Variants in SRD5A2 observed in about 807,000 individuals in gnomAD.
SRD5A2 encodes the protein 3-oxo-5-alpha-steroid 4-dehydrogenase 2.
SRD5A2 carries 30 observed loss-of-function variants against 27.4 expected under a neutral mutation model. The observed-to-expected ratio is 1.10, with a 90% CI of 0.82 to 1.49. SRD5A2 has a LOEUF of 1.49. SRD5A2 is among the 40% of genes most tolerant of loss of function. SRD5A2 has a pLI of 0.00. For synonymous variants in SRD5A2, 141 were observed against 133.6 expected, an observed-to-expected ratio of 1.06 and a Z score of -0.38; for missense variants, 348 against 323.4, an observed-to-expected ratio of 1.08 and a Z score of -0.58.
In SRD5A2 at chr2:31,526,039, C is replaced by A; in HGVS notation, c.*157G>T. 1 of 559,622 alleles carries A rather than the reference C, an allele frequency of 1.8e-6. No homozygotes were observed. The highest frequency in any genetic ancestry group is 2.9e-5 in the East Asian group (1 of 34,942). The allele number at this position is 559,622 out of a possible 1,614,324, so 34.7% of individuals were successfully genotyped here. A position where few individuals can be genotyped will look rare whatever the true frequency, so the allele number is the denominator to read the frequency against. On this transcript the variant is annotated 3_prime_UTR_variant, in exon 5 of 5. Coordinates refer to ENST00000622030, the MANE Select transcript of SRD5A2 (RefSeq NM_000348.4). Reference sequence around the variant, plus strand: ...TGGAAGGGTAGGAGTAAACTCTAAGCAGACACCACTCAGAATCCCCAGGCC... The same window carrying A: ...TGGAAGGGTAGGAGTAAACTCTAAGAAGACACCACTCAGAATCCCCAGGCC...
chr2:31,572,712 T>C (rs1170093481), intron 1 of SRD5A2, among the ~76,000 whole-genome samples: 2 of 152,158 alleles, frequency 1.3e-5, no homozygotes, highest in East Asian at 3.9e-4. Flanking sequence ...AAGATAGAAG[T>C]AAGATCATGT....
chr2:31,613,515 C>T, the SRD5A2 span, among the ~76,000 whole-genome samples: 14 of 152,140 alleles, frequency 9.2e-5, no homozygotes, highest in Middle Eastern at 3.4e-3. Flanking sequence ...CAAATGATAA[C>T]AAATGTTGAA....
intron 1 of SRD5A2, among the ~76,000 whole-genome samples, chr2:31,567,474 C>A (rs924448072): frequency 7.5e-5 from 6 of 79,570 alleles, no homozygotes; most frequent in African/African-American, 2.2e-4. Flanking sequence ...ATATATATAT[C>A]TACCAGTGCA....
At position 31,580,917 on chromosome 2, in the gene SRD5A2, C is replaced by A. The variant is rs748941514; in HGVS notation, c.-17G>T. 6.3e-7 allele frequency: 1 copy of A among 1,587,058 alleles called. No individual in the cohort carries two copies. Among genetic ancestry groups the A allele is most frequent in the Admixed American group, 1.7e-5 (1 of 59,446 alleles). ...AACCTGCATCGCGCCGTGTTCCTCG[C>A]CGGTGGCCGCTGCCCTCCCAGAAGA... On this transcript the variant is annotated 5_prime_UTR_variant, in exon 1 of 5. Coordinates refer to ENST00000622030, the MANE Select transcript of SRD5A2 (RefSeq NM_000348.4).
chr2:31,533,595 T>A lies in SRD5A2; in HGVS notation c.445+8A>T, dbSNP rs61750395. On this transcript the variant is annotated splice_region_variant and intron_variant, in intron 2 of 4. Coordinates refer to ENST00000622030, the MANE Select transcript of SRD5A2 (RefSeq NM_000348.4). ...GGAAGTAGGTGAGAAGTGGGCAGAT[T>A]CACTTACCCAAGCTAAACCGTATGT... 6.4e-7 allele frequency: 1 copy of A among 1,550,928 alleles called. No homozygotes were observed. The highest frequency in any genetic ancestry group is 8.7e-7 in the Non-Finnish European group (1 of 1,146,518).
At chr2:31,555,394 G>A (rs748795005) in intron 1 of SRD5A2, among the ~76,000 whole-genome samples, 5 of 152,168 alleles carry the variant, frequency 3.3e-5, no homozygotes, top group Non-Finnish European at 7.3e-5. Context: ...AACAGAACAG[G>A]AAGGGGTGCT....
the SRD5A2 span, among the ~76,000 whole-genome samples, chr2:31,652,168 C>G: frequency 6.6e-6 from 1 of 152,068 alleles, no homozygotes; most frequent in Non-Finnish European, 1.5e-5. Context: ...GTTGTTCAGG[C>G]TGGTCTTAAA....
chr2:31,611,179 T>C, the SRD5A2 span, among the ~76,000 whole-genome samples: 1 of 152,126 alleles, frequency 6.6e-6, no homozygotes. Context: ...CACTTTCAGA[T>C]GATTTTAGCC....
upstream of SRD5A2, among the ~76,000 whole-genome samples, chr2:31,583,352 A>G (rs1667113363): frequency 6.6e-6 from 1 of 152,232 alleles, no homozygotes; most frequent in Non-Finnish European, 1.5e-5. Context: ...AAATCAAGTC[A>G]TATGGTGGAT....
chr2:31,651,867 G>T, the SRD5A2 span: 1 of 152,588 alleles, frequency 6.6e-6, no homozygotes, highest in Non-Finnish European at 1.5e-5. Flanking sequence ...TCAAATGCCA[G>T]TAAGAGAAGT....
At chr2:31,541,207 T>C (rs1046742946) in intron 1 of SRD5A2, among the ~76,000 whole-genome samples, 1 of 152,078 alleles carries the variant, frequency 6.6e-6, no homozygotes, top group African/African-American at 2.4e-5. Context: ...CTCAGGCTGA[T>C]CCTTGGCACA....
chr2:31,598,570 T>C, the SRD5A2 span, among the ~76,000 whole-genome samples: 8 of 152,168 alleles, frequency 5.3e-5, no homozygotes, highest in Admixed American at 5.2e-4. Context: ...TTCTTGTTTG[T>C]TTTTTAATGC....
chr2:31,529,318 A>G lies in SRD5A2; in HGVS notation c.687T>C (p.Phe229=). ...ATTGAAAAATTTACCTATGGTGGTGAAAAGCTCGCAGCCCAAGGAAACAAA... is the reference window on the plus strand; with the variant it reads ...ATTGAAAAATTTACCTATGGTGGTGGAAAGCTCGCAGCCCAAGGAAACAAA... The part of the protein sequence containing the change: ...FSLCFLGLRA[F]HHHRFYLKMF... Residue 229 remains phenylalanine (F), a synonymous_variant, in exon 4 of 5, where the codon TTT becomes TTC. Coordinates refer to ENST00000622030, the MANE Select transcript of SRD5A2 (RefSeq NM_000348.4). 6.2e-7 allele frequency: 1 copy of G among 1,613,812 alleles called. No individual in the cohort carries two copies. The highest frequency in any genetic ancestry group is 8.5e-7 in the Non-Finnish European group (1 of 1,179,778).
the SRD5A2 span, among the ~76,000 whole-genome samples, chr2:31,648,755 C>T: frequency 1.4e-4 from 21 of 152,218 alleles, no homozygotes; most frequent in Non-Finnish European, 2.4e-4. Flanking sequence ...ATTACGAACA[C>T]GGCTGTTCTT....
At chr2:31,638,376 G>A in the SRD5A2 span, among the ~76,000 whole-genome samples, 86 of 152,196 alleles carry the variant, frequency 5.7e-4, no homozygotes, top group Non-Finnish European at 1.1e-3. Flanking sequence ...AATGTTCCAT[G>A]TGCTGATTAA....
chr2:31,574,951 G>A (rs1285662900), intron 1 of SRD5A2, among the ~76,000 whole-genome samples: 1 of 152,262 alleles, frequency 6.6e-6, no homozygotes, highest in Non-Finnish European at 1.5e-5. Flanking sequence ...TATAACAGTA[G>A]GGGTGAGTTG....
the SRD5A2 span, among the ~76,000 whole-genome samples, chr2:31,603,361 C>CA: frequency 3.3e-5 from 5 of 152,060 alleles, no homozygotes; most frequent in Non-Finnish European, 5.9e-5. Flanking sequence ...GGTACCATCT[C>CA]ATGCCAGTCA....
At chr2:31,587,363 A>G in the SRD5A2 span, among the ~76,000 whole-genome samples, 2 of 152,232 alleles carry the variant, frequency 1.3e-5, no homozygotes, top group Non-Finnish European at 2.9e-5. Flanking sequence ...TTAAGGATCT[A>G]GAACCAGAAA....
the SRD5A2 span, among the ~76,000 whole-genome samples, chr2:31,597,383 A>T: frequency 1.9e-4 from 27 of 142,560 alleles, 1 homozygote; most frequent in Admixed American, 1.4e-3. Flanking sequence ...AAGATAAAAT[A>T]AAAAAAAAAC....
Sources: allele counts gnomAD v4.1 joint callset (sites outside exome capture counted in the v4.1 genomes callset), GRCh38; gene constraint gnomAD v4.1.1; transcripts MANE v1.5; gene names NCBI Gene and HGNC (gene_info 2026-07-23, HGNC 2026-07-21).